TNIK: variants seen among roughly 807,000 people sequenced by gnomAD.
TNIK encodes TRAF2 and NCK interacting kinase, also known as TRAF2 and NCK-interacting protein kinase.
In TNIK, 49 loss-of-function variants were observed where a neutral mutation model predicts 191.3. That is an observed-to-expected ratio of 0.26 (90% CI 0.20 to 0.32). The LOEUF (loss-of-function observed/expected upper bound fraction) is 0.32. Among genes scored for constraint, TNIK ranks in the 10% least tolerant of loss-of-function variants. The pLI, the probability that TNIK is intolerant of heterozygous loss-of-function variation, is 1.00. For synonymous variants in TNIK, 594 were observed against 600.9 expected (o/e 0.99, Z 0.17); for missense variants, 1,155 against 1,702.3 (o/e 0.68, Z 5.66).
chr3:171,235,370 T>C (rs9864823), intron 2 of TNIK, among the ~76,000 whole-genome samples: 3,197 of 152,290 alleles, frequency 0.021, 46 homozygotes, highest in African/African-American at 0.036. Flanking sequence ...CATTCATTTC[T>C]GGGAGGACTA....
chr3:171,181,044 G>A (rs1736589046), intron 7 of TNIK, among the ~76,000 whole-genome samples: 2 of 152,330 alleles, frequency 1.3e-5, no homozygotes, highest in East Asian at 1.9e-4. Context: ...GTTTCACTAT[G>A]TGGCTCAGGC....
Position 171,389,939 on chromosome 3 carries a change from C to G in TNIK, c.58-20254G>C, listed in dbSNP as rs563928091. Among the ~76,000 whole-genome samples, 11 of 152,320 alleles carry G rather than the reference C, an allele frequency of 7.2e-5. No homozygotes were observed. In the South Asian group the frequency reaches 2.3e-3, roughly 32 times the overall value. On this transcript the variant is annotated intron_variant, in intron 1 of 32. Transcript: ENST00000436636. ...TTACATCTATTTTGAGGCTGGCAAC[C>G]TGATGTGCCTCTGCACACAACCCCA... is the stretch of plus-strand genomic sequence containing the variant.
At chr3:171,445,529 A>C (rs1470299579) in intron 1 of TNIK, among the ~76,000 whole-genome samples, 1 of 152,138 alleles carries the variant, frequency 6.6e-6, no homozygotes, top group Non-Finnish European at 1.5e-5. Context: ...TAAACTGTCA[A>C]CTAGCTTTTA....
chr3:171,334,918 ACAGAATCTATTATTCTACTAG>A (rs1756799059), intron 2 of TNIK, among the ~76,000 whole-genome samples: 1 of 150,688 alleles, frequency 6.6e-6, no homozygotes, highest in South Asian at 2.1e-4. Context: ...CCCTTTGATG[ACAGAATCTATTATTCTACTAG>A]CGCTTACAAC....
chr3:171,105,567 T>C (rs16855831), intron 21 of TNIK, among the ~76,000 whole-genome samples: 12,431 of 152,168 alleles, frequency 0.082, 1,667 homozygotes, highest in African/African-American at 0.28. Context: ...CAACCATACA[T>C]GGCTCCAGAG....
chr3:171,310,512 G>C (rs920336286), intron 2 of TNIK, among the ~76,000 whole-genome samples: 1 of 152,038 alleles, frequency 6.6e-6, no homozygotes, highest in African/African-American at 2.4e-5. Context: ...GAGATAAAAG[G>C]GTAAGCAAAT....
chr3:171,077,344 A>G (rs1013359587), intron 28 of TNIK, among the ~76,000 whole-genome samples: 1 of 152,108 alleles, frequency 6.6e-6, no homozygotes, highest in Non-Finnish European at 1.5e-5. Context: ...TACTAGGTTT[A>G]GTTATTTATT....
At chr3:171,359,594 G>T (rs188811534) in intron 2 of TNIK, among the ~76,000 whole-genome samples, 2 of 152,236 alleles carry the variant, frequency 1.3e-5, no homozygotes, top group Non-Finnish European at 2.9e-5. Context: ...AGGTTGTAAT[G>T]ACCCCATTCT....
intron 21 of TNIK, among the ~76,000 whole-genome samples, chr3:171,105,484 T>G (rs1318276625): frequency 2.0e-5 from 3 of 150,968 alleles, no homozygotes; most frequent in Non-Finnish European, 2.9e-5. Flanking sequence ...CTGGGTTAGG[T>G]AGAACCGCTT....
intron 2 of TNIK, among the ~76,000 whole-genome samples, chr3:171,265,063 C>T (rs1015104336): frequency 2.0e-5 from 3 of 152,090 alleles, no homozygotes; most frequent in Admixed American, 6.6e-5. Context: ...AATGAGTGCT[C>T]ATTAGGCATC....
rs375084334 is a variant in TNIK at position 171,309,571 on chromosome 3, C to T, written c.123+60049G>A. Reference sequence around the variant, plus strand: ...ACCAAAATCAAAGTTTAAAAAAATGCTTCATTATATTTAATAAACTCCCAA... The same window carrying T: ...ACCAAAATCAAAGTTTAAAAAAATGTTTCATTATATTTAATAAACTCCCAA... On this transcript the variant is annotated intron_variant, in intron 2 of 32. Transcript: ENST00000436636. 2.6e-5 allele frequency among the ~76,000 whole-genome samples: 4 copies of T among 152,090 alleles called. No individual in the cohort carries two copies. The East Asian group carries it at 7.7e-4, about 29-fold the overall frequency.
At chr3:171,182,389 A>G (rs538967132) in intron 7 of TNIK, among the ~76,000 whole-genome samples, 2 of 152,160 alleles carry the variant, frequency 1.3e-5, no homozygotes, top group Non-Finnish European at 2.9e-5. Context: ...AAATGCTCCA[A>G]TTACCACTGG....
At chr3:171,410,487 G>T (rs1266830490) in intron 1 of TNIK, among the ~76,000 whole-genome samples, 1 of 152,130 alleles carries the variant, frequency 6.6e-6, no homozygotes, top group African/African-American at 2.4e-5. Flanking sequence ...GTCTCTTTAA[G>T]ACTTTGCCTG....
intron 2 of TNIK, among the ~76,000 whole-genome samples, chr3:171,237,061 C>G (rs1457490272): frequency 2.0e-5 from 3 of 152,194 alleles, no homozygotes; most frequent in Non-Finnish European, 4.4e-5. Flanking sequence ...ACTTCTGCAG[C>G]AGCAGCAGGA....
intron 2 of TNIK, among the ~76,000 whole-genome samples, chr3:171,248,521 A>G (rs957918383): frequency 6.6e-6 from 1 of 152,222 alleles, no homozygotes; most frequent in Non-Finnish European, 1.5e-5. Flanking sequence ...CTGGAGAGAC[A>G]AGTTATTAAA....
intron 4 of TNIK, among the ~76,000 whole-genome samples, chr3:171,208,228 G>A (rs1449205823): frequency 6.6e-6 from 1 of 152,150 alleles, no homozygotes; most frequent in Non-Finnish European, 1.5e-5. Flanking sequence ...GGCTGAGGCA[G>A]CAGGATCGCT....
rs16855849 is a variant in TNIK at position 171,114,792 on chromosome 3, T to G, written c.2121-3915A>C. 3.3e-3 allele frequency among the ~76,000 whole-genome samples: 502 copies of G among 152,346 alleles called. 8 individuals are homozygous for G. The highest frequency in any genetic ancestry group is 0.012 in the African/African-American group (485 of 41,578). ...TGGCATTCCTTTGTGAAGTAACTATTTTTATGACAATTGTTCATATCAAAT... is the reference window on the plus strand; with the variant it reads ...TGGCATTCCTTTGTGAAGTAACTATGTTTATGACAATTGTTCATATCAAAT... On this transcript the variant is annotated intron_variant, in intron 18 of 32. Transcript: ENST00000436636.
At chr3:171,090,097 G>C (rs1345487181) in intron 23 of TNIK, among the ~76,000 whole-genome samples, 1 of 152,196 alleles carries the variant, frequency 6.6e-6, no homozygotes, top group African/African-American at 2.4e-5. Context: ...GATGTGGTGA[G>C]TATCTTGCAA....
In TNIK at chr3:171,211,208, T is replaced by C; in HGVS notation, c.214A>G (p.Met72Val). The change falls in exon 4 of 33, where the codon ATG (methionine) becomes GTG (valine). Residue 72 changes from methionine (M) to valine (V), a missense_variant. By Grantham distance (21) the Met-to-Val change is conservative. Around this residue, in one of 3 missense-constraint regions of TNIK, gnomAD observed 225 missense variants for 438.9 expected, o/e 0.51. Coordinates refer to ENST00000436636, the MANE Select transcript of TNIK (RefSeq NM_015028.4). ...EEEEIKQEINMLKKYSHHRNI... is the reference protein window; with the variant it reads ...EEEEIKQEINVLKKYSHHRNI... ...CGGTGATGAGAATATTTCTTCAACA[T>C]GTTAATTTCTTGTTTGATTTCTTCC... 1 of 1,611,300 alleles carries C rather than the reference T, an allele frequency of 6.2e-7. No individual in the cohort carries two copies. The highest frequency in any genetic ancestry group is 8.5e-7 in the Non-Finnish European group (1 of 1,178,730).
Sources: gnomAD v4.1 joint callset for allele counts (sites outside exome capture counted in the v4.1 genomes callset) on GRCh38, gnomAD v4.1.1 for gene constraint, gnomAD v4.1.1 regional missense constraint, MANE v1.5 for transcripts, NCBI Gene and HGNC (gene_info 2026-07-23, HGNC 2026-07-21) for gene names.